Variants in GPR89B observed in about 807,000 individuals in gnomAD.
GPR89B encodes the protein G protein-coupled receptor 89B.
A neutral mutation model predicts 52.4 loss-of-function variants in GPR89B; 25 were observed. That is an observed-to-expected ratio of 0.48 (90% CI 0.35 to 0.67). The LOEUF is 0.67. Ranked by LOEUF, GPR89B falls within the 30% of genes least tolerant of loss-of-function variation. The probability of loss-of-function intolerance (pLI) is 0.01; values close to 1 mark genes in which losing one functional copy is unlikely to be tolerated. For synonymous variants in GPR89B, 52 were observed against 151.2 expected, an observed-to-expected ratio of 0.34 and a Z score of 4.81; for missense variants, 146 against 450.2, an observed-to-expected ratio of 0.32 and a Z score of 6.11.
intron 12 of GPR89B, among the ~76,000 whole-genome samples, chr1:147,989,914 C>T (rs1178907265): frequency 6.6e-6 from 1 of 152,184 alleles, no homozygotes; most frequent in Non-Finnish European, 1.5e-5. Flanking sequence ...ATTGCACACG[C>T]AATAAACATA....
the GPR89B span, among the ~76,000 whole-genome samples, chr1:148,018,912 C>A: frequency 6.6e-6 from 1 of 151,524 alleles, no homozygotes; most frequent in Non-Finnish European, 1.5e-5. Context: ...GTGATCCGCC[C>A]GCCTCGGCCT....
At chr1:147,970,571 A>C (rs1467195011) in intron 10 of GPR89B, among the ~76,000 whole-genome samples, 1,696 of 136,004 alleles carry the variant, frequency 0.012, 26 homozygotes, top group East Asian at 0.062. Flanking sequence ...CTCTCTCTCT[A>C]TATATATATA....
chr1:147,983,173 C>CAAGATGGATTAAAGACTTAA (rs1553254468), intron 10 of GPR89B, among the ~76,000 whole-genome samples: 1 of 152,108 alleles, frequency 6.6e-6, no homozygotes, highest in East Asian at 1.9e-4. Flanking sequence ...AAAATTAATT[C>CAAGATGGATTAAAGACTTAA]AAGATGGATT....
intron 5 of GPR89B, among the ~76,000 whole-genome samples, chr1:147,949,609 G>A (rs1246181104): frequency 2.8e-5 from 4 of 140,370 alleles, no homozygotes; most frequent in African/African-American, 5.7e-5. Flanking sequence ...CCGGGCAGCT[G>A]ACGGGGCGGG....
At chr1:148,009,219 C>G in the GPR89B span, 1 of 1,049,500 alleles carries the variant, frequency 9.5e-7, no homozygotes, top group East Asian at 2.4e-5. Context: ...CAAGCTGTTG[C>G]AAGCTATCTA....
At chr1:147,979,075 G>A (rs1360727682) in intron 10 of GPR89B, among the ~76,000 whole-genome samples, 20 of 151,488 alleles carry the variant, frequency 1.3e-4, no homozygotes, top group African/African-American at 1.7e-4. Context: ...ATCACTCATC[G>A]CCTTCCTTGA....
chr1:147,988,925 G>A (rs1370679142), intron 12 of GPR89B, among the ~76,000 whole-genome samples: 1 of 134,416 alleles, frequency 7.4e-6, no homozygotes, highest in Non-Finnish European at 1.6e-5. Context: ...TGCCTCCTGA[G>A]ACTTTAAACA....
intron 5 of GPR89B, among the ~76,000 whole-genome samples, chr1:147,950,715 G>A (rs1327018958): frequency 4.6e-5 from 7 of 152,150 alleles, no homozygotes; most frequent in Non-Finnish European, 1.0e-4. Flanking sequence ...CGGATCACTC[G>A]CAGTTCGGAG....
intron 1 of GPR89B, among the ~76,000 whole-genome samples, chr1:147,929,643 T>C (rs1408584498): frequency 6.6e-6 from 1 of 152,240 alleles, no homozygotes; most frequent in Non-Finnish European, 1.5e-5. Flanking sequence ...TTTGTGTTCT[T>C]TGATTCAGTT....
At chr1:148,019,647 G>T in the GPR89B span, among the ~76,000 whole-genome samples, 2 of 152,026 alleles carry the variant, frequency 1.3e-5, no homozygotes, top group African/African-American at 4.8e-5. Context: ...AAAGAACGGT[G>T]CAAATCTATA....
At chr1:148,010,051 TAAA>T in the GPR89B span, 2 of 117,718 alleles carry the variant, frequency 1.7e-5, no homozygotes, top group Non-Finnish European at 3.5e-5. Context: ...CTCATGGGTT[TAAA>T]AAAAAAAAAA....
At chr1:148,010,874 A>G in the GPR89B span, 1 of 152,338 alleles carries the variant, frequency 6.6e-6, no homozygotes, top group Non-Finnish European at 1.5e-5. Flanking sequence ...TTTAAATGCC[A>G]TTATAAATAA....
the GPR89B span, chr1:148,009,726 A>G: frequency 1.1e-6 from 1 of 882,116 alleles, no homozygotes; most frequent in South Asian, 1.7e-5. Context: ...AGAAGCAGGT[A>G]GTTCCTCAGC....
chr1:148,012,027 A>G, the GPR89B span: 1 of 152,054 alleles, frequency 6.6e-6, no homozygotes, highest in Non-Finnish European at 1.5e-5. Context: ...AAGATCAGCA[A>G]CGTTTGGAGA....
At chr1:147,980,831 A>G (rs1658189440) in intron 10 of GPR89B, among the ~76,000 whole-genome samples, 1 of 149,514 alleles carries the variant, frequency 6.7e-6, no homozygotes, top group Admixed American at 6.6e-5. Flanking sequence ...AAAAAAAAAA[A>G]AAAAAAAAAA....
chr1:148,012,761 A>G, the GPR89B span, among the ~76,000 whole-genome samples: 3 of 152,080 alleles, frequency 2.0e-5, no homozygotes, highest in Non-Finnish European at 2.9e-5. Flanking sequence ...GATGTAGTAA[A>G]GAGCTAGGGA....
chr1:147,938,522 T>C (rs1167951806), intron 2 of GPR89B, among the ~76,000 whole-genome samples, 192 bp from the exon 3 acceptor site: 1 of 148,064 alleles, frequency 6.8e-6, no homozygotes, highest in African/African-American at 2.5e-5. Context: ...CTGGTAATAG[T>C]GACTCAAGAT....
At chr1:148,006,045 A>C in the GPR89B span, among the ~76,000 whole-genome samples, 2 of 152,206 alleles carry the variant, frequency 1.3e-5, no homozygotes, top group Non-Finnish European at 2.9e-5. Context: ...TTCCGATTTT[A>C]GAGCTAACTC....
At chr1:147,987,052 G>C (rs1339087007) in intron 11 of GPR89B, among the ~76,000 whole-genome samples, 5 of 151,852 alleles carry the variant, frequency 3.3e-5, no homozygotes, top group Non-Finnish European at 5.9e-5. Context: ...AGCCAGACGT[G>C]CCCCTAATCT....
Sources: allele counts gnomAD v4.1 joint callset (sites outside exome capture counted in the v4.1 genomes callset), GRCh38; gene constraint gnomAD v4.1.1; transcripts MANE v1.5; gene names NCBI Gene and HGNC (gene_info 2026-07-23, HGNC 2026-07-21).